CNTNAP3B: variants seen among roughly 807,000 people sequenced by gnomAD.
CNTNAP3B encodes contactin associated protein family member 3B.
CNTNAP3B carries 25 observed loss-of-function variants against 108.9 expected under a neutral mutation model. The ratio of observed to expected loss-of-function variants is 0.23; its 90% CI spans 0.17 to 0.32. The LOEUF (loss-of-function observed/expected upper bound fraction) is 0.32. CNTNAP3B is among the 10% of genes least tolerant of loss of function. The pLI is 1.00. For missense variants in CNTNAP3B, 252 were observed against 1,210.4 expected (o/e 0.21, Z 11.75); for synonymous variants, 103 against 473.4 (o/e 0.22, Z 10.16).
rs1206776352 is a variant in CNTNAP3B, at chr9:41,934,112, T to TATATATATATATATACAC, written c.2237+4131_2237+4132insGTGTATATATATATATAT. 1.4e-4 allele frequency among the ~76,000 whole-genome samples: 18 copies of TATATATATATATATACAC among 126,348 alleles called. 1 individual carries two copies. The highest frequency in any genetic ancestry group is 5.4e-4 in the African/African-American group (18 of 33,126). 82.9% of individuals were successfully genotyped at this position (126,348 alleles called of 152,430 possible). On this transcript the variant is annotated intron_variant, in intron 14 of 23. Coordinates refer to ENST00000377561, the MANE Select transcript of CNTNAP3B (RefSeq NM_001201380.3). Reference sequence around the variant, plus strand: ...TGCATATTTGTTACATATATATATATATATATATATACACACACATATATA... The same window carrying TATATATATATATATACAC: ...TGCATATTTGTTACATATATATATATATATATATATATATACACATATATATATACACACACATATATA...
At chr9:41,959,342 T>C (rs1401476172) in intron 12 of CNTNAP3B, among the ~76,000 whole-genome samples, 16 of 152,246 alleles carry the variant, frequency 1.1e-4, no homozygotes, top group African/African-American at 3.9e-4. Flanking sequence ...AATTTATTAC[T>C]GGCTATAGAG....
At chr9:41,960,211 G>C (rs1290522513) in intron 12 of CNTNAP3B, 7 of 163,116 alleles carry the variant, frequency 4.3e-5, no homozygotes, top group Admixed American at 4.2e-4. Context: ...CGTTGGCCAG[G>C]ATGGTCTCGA....
chr9:41,932,722 G>A (rs1824018033), intron 14 of CNTNAP3B, among the ~76,000 whole-genome samples: 2 of 152,050 alleles, frequency 1.3e-5, no homozygotes, highest in South Asian at 2.1e-4. Flanking sequence ...GTTTCACCAT[G>A]TTGGTCAGGC....
At chr9:41,964,904 C>G (rs573128939) in intron 10 of CNTNAP3B, among the ~76,000 whole-genome samples, 1 of 152,264 alleles carries the variant, frequency 6.6e-6, no homozygotes, top group South Asian at 2.1e-4. Context: ...CCAAGTGACA[C>G]AATAACTTGA....
intron 2 of CNTNAP3B, among the ~76,000 whole-genome samples, chr9:42,095,770 A>T (rs1308673755): frequency 7.3e-6 from 1 of 136,810 alleles, no homozygotes; most frequent in African/African-American, 2.9e-5. Flanking sequence ...ACCCTTGAAA[A>T]TTCCTTCAGG....
intron 9 of CNTNAP3B, chr9:41,975,402 GGATAAAATAAGT>G (rs1825506388): frequency 1.1e-5 from 1 of 87,074 alleles, no homozygotes; most frequent in South Asian, 4.8e-4. Context: ...GCATCATTAA[GGATAAAATAAGT>G]GAAACTGAAA....
In CNTNAP3B at chr9:42,076,955, TC is replaced by T. The variant is rs1827505658; in HGVS notation, c.303del (p.Ser102AlafsTer5). 1 of 1,522,122 alleles carries T rather than the reference TC, an allele frequency of 6.6e-7. No homozygotes were observed. The highest frequency in any genetic ancestry group is 1.7e-5 in the African/African-American group (1 of 59,474). 94.3% of individuals were successfully genotyped at this position (1,522,122 alleles called of 1,614,324 possible). On this transcript the variant is annotated frameshift_variant, in exon 3 of 24. Transcript: ENST00000377561. LOFTEE classifies it high-confidence loss of function. Reference protein sequence around the residue: ...VTAVATQGGYGSSDWVTSYLL... With the variant: ...VTAVATQGGYXSSDWVTSYLL... ...AGGTAGCTGGTCACCCAGTCAGAGC[TC>T]CCATATCCTCCTTGGGTGGCGACAG...
Position 42,033,023 on chromosome 9 carries a change from A to C in CNTNAP3B, c.391-19498T>G, listed in dbSNP as rs566135390. Among the ~76,000 whole-genome samples, 225 of 145,776 alleles carry C rather than the reference A, an allele frequency of 1.5e-3. 1 individual carries two copies. The highest frequency in any genetic ancestry group is 5.1e-3 in the African/African-American group (191 of 37,790). ...TCAGGGTTAAGGCTTCAACATATAC[A>C]TTTTGGAGGAACAGAATTCTGTCCA... On this transcript the variant is annotated intron_variant, in intron 3 of 23. Coordinates refer to ENST00000377561, the MANE Select transcript of CNTNAP3B (RefSeq NM_001201380.3).
In CNTNAP3B at chr9:41,986,224, G is replaced by T; in HGVS notation, c.1421C>A (p.Ala474Asp). 9.1e-7 allele frequency: 1 copy of T among 1,097,190 alleles called. No individual in the cohort carries two copies. Among genetic ancestry groups the T allele is most frequent in the South Asian group, 1.4e-5 (1 of 69,108 alleles). 68.0% of individuals were successfully genotyped at this position (1,097,190 alleles called of 1,614,324 possible). A position where few individuals can be genotyped will look rare whatever the true frequency, so the allele number is the denominator to read the frequency against. The part of the protein sequence containing the change: ...HMNVVVDDDT[A>D]VQPLVAVLID... ...GAGCACAGCCACCAGGGGCTGAACA[G>T]CTGTGTCATCATCCACCACCACATT... The change falls in exon 9 of 24, where the codon GCT (alanine) becomes GAT (aspartate). Residue 474 changes from alanine to aspartate, a missense_variant. Coordinates refer to ENST00000377561, the MANE Select transcript of CNTNAP3B (RefSeq NM_001201380.3).
intron 3 of CNTNAP3B, among the ~76,000 whole-genome samples, chr9:42,056,311 T>C (rs1430694285): frequency 2.4e-5 from 3 of 126,932 alleles, no homozygotes; most frequent in Non-Finnish European, 4.8e-5. Context: ...CAAGGTTGAA[T>C]ATTATCTCAT....
chr9:41,988,636 TTGTC>T (rs1825754019), intron 8 of CNTNAP3B, among the ~76,000 whole-genome samples: 1 of 146,992 alleles, frequency 6.8e-6, no homozygotes, highest in Admixed American at 6.8e-5. Flanking sequence ...CAAATGAATT[TTGTC>T]TGGCAGAAAT....
At chr9:42,127,000 A>T (rs1235879865) in intron 1 of CNTNAP3B, among the ~76,000 whole-genome samples, 5 of 138,484 alleles carry the variant, frequency 3.6e-5, no homozygotes, top group African/African-American at 1.4e-4. Flanking sequence ...TGAGAAGGAA[A>T]CTTTTAGATG....
At chr9:41,939,570 A>T (rs1250003139) in intron 13 of CNTNAP3B, among the ~76,000 whole-genome samples, 6 of 152,286 alleles carry the variant, frequency 3.9e-5, no homozygotes, top group Non-Finnish European at 5.9e-5. Context: ...GGAATCTTTT[A>T]AAAATGTGCT....
At chr9:42,087,090 T>C (rs1827719270) in intron 2 of CNTNAP3B, among the ~76,000 whole-genome samples, 1 of 141,922 alleles carries the variant, frequency 7.0e-6, no homozygotes, top group Non-Finnish European at 1.5e-5. Flanking sequence ...AATGAAATTC[T>C]TTTCTTAATT....
chr9:41,966,818 T>G lies in CNTNAP3B; in HGVS notation c.1650-2174A>C, dbSNP rs866068002. Among the ~76,000 whole-genome samples, 79 of 150,754 alleles carry G rather than the reference T, an allele frequency of 5.2e-4. No individual in the cohort carries two copies. The Middle Eastern group carries it at 0.018, about 35-fold the overall frequency. The stretch of plus-strand genomic sequence containing the variant: ...CCGTCTTTACTAAAAATACAAAAAA[T>G]TAGCCAGGTGTGGTGGCGGGCGCCT... On this transcript the variant is annotated intron_variant, in intron 10 of 23. Transcript: ENST00000377561.
Position 42,098,941 on chromosome 9 carries a change from GCTTACCTGCCCA to G in CNTNAP3B, c.196+5676_196+5687del, listed in dbSNP as rs1827968018. The stretch of plus-strand genomic sequence containing the variant: ...CAGGCAGCCTGATACCTGGGCAAAT[GCTTACCTGCCCA>G]CATCCGAAGGGCTGGTGCACCCAGA... On this transcript the variant is annotated intron_variant, in intron 2 of 23. Transcript: ENST00000377561. Among the ~76,000 whole-genome samples the G allele has an allele frequency of 4.5e-5, 6 of 134,692 alleles. 1 individual carries two copies. The highest frequency in any genetic ancestry group is 1.8e-4 in the African/African-American group (6 of 33,504). 88.4% of individuals were successfully genotyped at this position (134,692 alleles called of 152,430 possible). A position where few individuals can be genotyped will look rare whatever the true frequency, so the allele number is the denominator to read the frequency against.
chr9:41,930,246 CAG>C (rs1247592786), intron 14 of CNTNAP3B, among the ~76,000 whole-genome samples: 1 of 152,220 alleles, frequency 6.6e-6, no homozygotes, highest in Admixed American at 6.5e-5. Context: ...CCCAGTAGTT[CAG>C]GCAACAAACA....
chr9:42,055,291 G>A (rs1174668221), intron 3 of CNTNAP3B, among the ~76,000 whole-genome samples: 3 of 121,460 alleles, frequency 2.5e-5, no homozygotes, highest in East Asian at 5.4e-4. Context: ...ATTTACATGA[G>A]TATATATATA....
chr9:41,913,780 G>C (rs1337617968), intron 18 of CNTNAP3B, among the ~76,000 whole-genome samples: 1 of 114,264 alleles, frequency 8.8e-6, no homozygotes, highest in Non-Finnish European at 1.8e-5. Flanking sequence ...TGCCCTCTTG[G>C]GTCTGGCTTA....
Sources: gnomAD v4.1 joint callset for allele counts (sites outside exome capture counted in the v4.1 genomes callset) on GRCh38, gnomAD v4.1.1 for gene constraint, MANE v1.5 for transcripts, NCBI Gene and HGNC (gene_info 2026-07-23, HGNC 2026-07-21) for gene names.